The following ADARB2 variants were observed in gnomAD, a reference collection of about 807,000 sequenced individuals.
ADARB2 encodes the protein inactive double-stranded RNA-specific editase B2.
In ADARB2, 25 loss-of-function variants were observed where a neutral mutation model predicts 62.2. That is an observed-to-expected ratio of 0.40 (90% CI 0.29 to 0.56). The LOEUF (loss-of-function observed/expected upper bound fraction) is 0.56, where lower values mean the gene tolerates loss of function less well. Among genes scored for constraint, ADARB2 ranks in the 20% least tolerant of loss-of-function variants. The probability of loss-of-function intolerance (pLI) is 0.43; values close to 1 mark genes in which losing one functional copy is unlikely to be tolerated. For missense variants in ADARB2, 1,071 were observed against 1,077.4 expected, an observed-to-expected ratio of 0.99 and a Z score of 0.08; for synonymous variants, 572 against 500.8, an observed-to-expected ratio of 1.14 and a Z score of -1.90.
At chr10:1,714,957 T>C (rs1272706058) in intron 1 of ADARB2, among the ~76,000 whole-genome samples, 3 of 152,012 alleles carry the variant, frequency 2.0e-5, no homozygotes, top group Non-Finnish European at 4.4e-5. Context: ...ACCCATTAAC[T>C]GGTCATTTAG....
At chr10:1,653,417 T>A (rs1284561578) in intron 1 of ADARB2, among the ~76,000 whole-genome samples, 3 of 152,184 alleles carry the variant, frequency 2.0e-5, no homozygotes, top group Non-Finnish European at 2.9e-5. Flanking sequence ...GAGGCTGCTG[T>A]AGGCTCTGTG....
chr10:1,642,258 C>T (rs993831573), intron 1 of ADARB2, among the ~76,000 whole-genome samples: 1 of 147,570 alleles, frequency 6.8e-6, no homozygotes, highest in Non-Finnish European at 1.5e-5. Flanking sequence ...CAAAGCATTG[C>T]TTGCCACATT....
At chr10:1,296,963 A>G (rs1486767124) in intron 3 of ADARB2, among the ~76,000 whole-genome samples, 1 of 152,014 alleles carries the variant, frequency 6.6e-6, no homozygotes, top group Non-Finnish European at 1.5e-5. Flanking sequence ...TCTAACTCCC[A>G]TCTCTCCAGT....
rs143494461 is a variant in ADARB2 at position 1,392,483 on chromosome 10, C to G, written c.101-13323G>C. Among the ~76,000 whole-genome samples the G allele has an allele frequency of 4.5e-3, 687 of 152,268 alleles. 3 individuals are homozygous for G. Among genetic ancestry groups the G allele is most frequent in the Middle Eastern group, 0.01 (3 of 294 alleles). ...AAATGGATGCACTTCTATCTAAACA[C>G]AAAAGCAAATCAGTGTGGACAGGTG... On this transcript the variant is annotated intron_variant, in intron 1 of 9. Transcript: ENST00000381312.
chr10:1,695,165 C>T (rs564039717), intron 1 of ADARB2, among the ~76,000 whole-genome samples: 1 of 152,304 alleles, frequency 6.6e-6, no homozygotes, highest in African/African-American at 2.4e-5. Context: ...CAGGTCACTT[C>T]TTGGAACCTC....
chr10:1,475,843 G>A (rs978967962), intron 1 of ADARB2, among the ~76,000 whole-genome samples: 4 of 152,180 alleles, frequency 2.6e-5, no homozygotes, highest in African/African-American at 9.7e-5. Context: ...CCGGCAATGA[G>A]GAGGGAAATG....
intron 3 of ADARB2, 54 bp downstream of exon 3, chr10:1,362,974 C>G: frequency 7.9e-7 from 1 of 1,269,058 alleles, no homozygotes; most frequent in Non-Finnish European, 1.0e-6. Context: ...AGGTCGGGGT[C>G]TCCCCCGCGC....
intron 4 of ADARB2, among the ~76,000 whole-genome samples, chr10:1,262,287 T>TATAATAATA (rs55721350): frequency 0.13 from 17,455 of 135,580 alleles, 1,375 homozygotes; most frequent in South Asian, 0.17. Context: ...AAACTTAAAG[T>TATAATAATA]ATAATAATAA....
chr10:1,467,063 G>T (rs963961160), intron 1 of ADARB2, among the ~76,000 whole-genome samples: 5 of 149,526 alleles, frequency 3.3e-5, no homozygotes, highest in Admixed American at 6.7e-5. Context: ...TCTCTCTCTC[G>T]CTTTCTCTCC....
At position 1,266,083 on chromosome 10, in the gene ADARB2, G is replaced by C. The variant is rs549971797; in HGVS notation, c.1192+4872C>G. Reference sequence around the variant, plus strand: ...TCCACGCTCCCCCGGAAGACGGCCTGAGAGGGGGCCCAGGCTCTCCCGGAA... The same window carrying C: ...TCCACGCTCCCCCGGAAGACGGCCTCAGAGGGGGCCCAGGCTCTCCCGGAA... On this transcript the variant is annotated intron_variant, in intron 4 of 9. Coordinates refer to ENST00000381312, the MANE Select transcript of ADARB2 (RefSeq NM_018702.4). 2.1e-5 allele frequency among the ~76,000 whole-genome samples: 3 copies of C among 143,480 alleles called. No individual in the cohort carries two copies. In the East Asian group the frequency reaches 6.6e-4, roughly 32 times the overall value. 94.1% of individuals were successfully genotyped at this position (143,480 alleles called of 152,430 possible). A position where few individuals can be genotyped will look rare whatever the true frequency, so the allele number is the denominator to read the frequency against.
intron 1 of ADARB2, among the ~76,000 whole-genome samples, chr10:1,604,106 A>C (rs538948990): frequency 6.6e-6 from 1 of 152,108 alleles, no homozygotes; most frequent in African/African-American, 2.4e-5. Context: ...CCTCTGGCCA[A>C]TATTTTATAT....
intron 3 of ADARB2, among the ~76,000 whole-genome samples, chr10:1,347,937 TAG>T (rs949890139): frequency 7.0e-6 from 1 of 143,660 alleles, no homozygotes; most frequent in Non-Finnish European, 1.5e-5. Flanking sequence ...GAGACAGAGA[TAG>T]AGAGAGATAG....
At chr10:1,683,857 C>A (rs12251611) in intron 1 of ADARB2, among the ~76,000 whole-genome samples, 1,672 of 152,250 alleles carry the variant, frequency 0.011, 33 homozygotes, top group African/African-American at 0.037. Flanking sequence ...GAGTCCGAGG[C>A]CGGATGTGAG....
chr10:1,220,417 CGTGATGGTG>C (rs1318099841), intron 6 of ADARB2, among the ~76,000 whole-genome samples: 1 of 138,652 alleles, frequency 7.2e-6, no homozygotes, highest in Non-Finnish European at 1.6e-5. Context: ...TGATGATGGT[CGTGATGGTG>C]ATGATGGTGG....
intron 1 of ADARB2, among the ~76,000 whole-genome samples, chr10:1,610,302 C>T (rs1011578178): frequency 5.9e-5 from 9 of 152,190 alleles, no homozygotes; most frequent in Non-Finnish European, 1.0e-4. Context: ...GCAGTCTCAA[C>T]GATACGATAT....
chr10:1,373,279 G>A (rs781064344), intron 2 of ADARB2, among the ~76,000 whole-genome samples: 1 of 141,426 alleles, frequency 7.1e-6, no homozygotes, highest in African/African-American at 2.5e-5. Context: ...GTCTCACTGT[G>A]TCTCTCTGTC....
At chr10:1,207,094 C>A (rs1837078421) in intron 7 of ADARB2, among the ~76,000 whole-genome samples, 1 of 152,236 alleles carries the variant, frequency 6.6e-6, no homozygotes, top group African/African-American at 2.4e-5. Context: ...CCCCTGTAAT[C>A]CCAGCACTTT....
In ADARB2 at chr10:1,342,268, TC is replaced by T. The variant is rs569620762; in HGVS notation, c.1077+20759del. 5.9e-5 allele frequency among the ~76,000 whole-genome samples: 9 copies of T among 152,160 alleles called. 1 individual carries two copies. The South Asian group carries it at 1.9e-3, about 32-fold the overall frequency. On this transcript the variant is annotated intron_variant, in intron 3 of 9. Coordinates refer to ENST00000381312, the MANE Select transcript of ADARB2 (RefSeq NM_018702.4). Reference sequence around the variant, plus strand: ...CTGTGATAGACCCCCTTCCTCAGCTTCCCCATGCCATGGAGAAGGCTGAGGC... The same window carrying T: ...CTGTGATAGACCCCCTTCCTCAGCTTCCCATGCCATGGAGAAGGCTGAGGC...
intron 7 of ADARB2, among the ~76,000 whole-genome samples, chr10:1,211,409 C>T (rs577886903): frequency 2.0e-4 from 31 of 152,270 alleles, no homozygotes; most frequent in African/African-American, 6.7e-4. Context: ...ATCTATCGAT[C>T]TATGTATGCC....
Sources: allele counts gnomAD v4.1 joint callset (sites outside exome capture counted in the v4.1 genomes callset), GRCh38; gene constraint gnomAD v4.1.1; transcripts MANE v1.5; gene names NCBI Gene and HGNC (gene_info 2026-07-23, HGNC 2026-07-21).